The following SEMA6D variants were observed in gnomAD, a reference collection of about 807,000 sequenced individuals.
The protein encoded by SEMA6D is semaphorin 6D.
Under a neutral mutation model 106.6 loss-of-function variants are expected in SEMA6D, and 35 were observed. That is an observed-to-expected ratio of 0.33 (90% confidence interval 0.25 to 0.44). SEMA6D has a LOEUF of 0.44. Ranked by LOEUF, SEMA6D falls within the 20% of genes least tolerant of loss-of-function variation. The pLI is 1.00. For synonymous variants in SEMA6D, 499 were observed against 487.7 expected (o/e 1.02, Z -0.31); for missense variants, 1,185 against 1,345.9 (o/e 0.88, Z 1.87).
chr15:47,431,322 C>T lies in SEMA6D; in HGVS notation c.-159+18850C>T, dbSNP rs547507366. 1.1e-4 allele frequency among the ~76,000 whole-genome samples: 16 copies of T among 151,810 alleles called. No homozygotes were observed. The East Asian group carries it at 3.1e-3, about 30-fold the overall frequency. ...AAATAAAATATGTTTAGAAACATGC[C>T]CTTCAAATTAACACCTCAAAGCACA... On this transcript the variant is annotated intron_variant, in intron 2 of 19. Coordinates refer to the SEMA6D transcript ENST00000558014.
chr15:47,487,286 G>T (rs960540706), intron 3 of SEMA6D, among the ~76,000 whole-genome samples: 2 of 152,170 alleles, frequency 1.3e-5, no homozygotes, highest in Non-Finnish European at 2.9e-5. Context: ...CAAGGAAACT[G>T]CAGGAAATGC....
At chr15:47,721,777 C>G (rs751032702) in intron 1 of SEMA6D, among the ~76,000 whole-genome samples, 1 of 152,142 alleles carries the variant, frequency 6.6e-6, no homozygotes, top group Non-Finnish European at 1.5e-5. Flanking sequence ...TCAAACTTTC[C>G]TTTTCTATTA....
In SEMA6D at chr15:47,581,309, T is replaced by C. The variant is rs753605769; in HGVS notation, c.-86-19556T>C. ...TTACATTGTGCAATTTCATGTGACATAGTGATTTTTAGGAACACATATGTC... is the reference window on the plus strand; with the variant it reads ...TTACATTGTGCAATTTCATGTGACACAGTGATTTTTAGGAACACATATGTC... On this transcript the variant is annotated intron_variant, in intron 3 of 19. Transcript: ENST00000558014. 8.3e-6 allele frequency: 4 copies of C among 483,264 alleles called. 1 individual carries two copies. Among genetic ancestry groups the C allele is most frequent in the South Asian group, 6.0e-5 (4 of 66,256 alleles). The allele number at this position is 483,264 out of a possible 1,614,324, so 29.9% of individuals were successfully genotyped here.
intron 1 of SEMA6D, among the ~76,000 whole-genome samples, chr15:47,249,579 T>C (rs1199128320): frequency 6.6e-6 from 1 of 151,952 alleles, no homozygotes; most frequent in East Asian, 1.9e-4. Context: ...GTTCAAATAC[T>C]TGTGATTCAA....
chr15:47,338,176 G>A (rs559941447), intron 1 of SEMA6D, among the ~76,000 whole-genome samples: 1 of 152,184 alleles, frequency 6.6e-6, no homozygotes, highest in Non-Finnish European at 1.5e-5. Context: ...AGGGGAAAAA[G>A]TTTGGGTGTT....
At chr15:47,552,555 C>CAA (rs879937152) in intron 3 of SEMA6D, among the ~76,000 whole-genome samples, 141 of 124,510 alleles carry the variant, frequency 1.1e-3, no homozygotes, top group Middle Eastern at 4.5e-3. Context: ...CACACACACA[C>CAA]ACATATGGCA....
chr15:47,207,984 G>GGCAC (rs1229617425), intron 1 of SEMA6D, among the ~76,000 whole-genome samples: 7 of 73,066 alleles, frequency 9.6e-5, no homozygotes, highest in African/African-American at 3.3e-4. Context: ...AGTAGCCACT[G>GGCAC]GCGCGCGCGC....
intron 1 of SEMA6D, among the ~76,000 whole-genome samples, chr15:47,211,186 G>T (rs1172560449): frequency 1.3e-5 from 2 of 151,820 alleles, no homozygotes; most frequent in African/African-American, 4.8e-5. Context: ...TTATCTTTCA[G>T]TTTGAAAGTC....
rs1319005899 is a variant in SEMA6D at position 47,711,302 on chromosome 15, T to C, written c.-54-48443T>C. Reference sequence around the variant, plus strand: ...TCCAGCCTGGGCGACAGAGCGAGACTCCGTCTCAAAAAAAAAAAAAAAAAA... The same window carrying C: ...TCCAGCCTGGGCGACAGAGCGAGACCCCGTCTCAAAAAAAAAAAAAAAAAA... On this transcript the variant is annotated intron_variant, in intron 4 of 19. Transcript: ENST00000558014. Among the ~76,000 whole-genome samples, 5 of 70,646 alleles carry C rather than the reference T, an allele frequency of 7.1e-5. No individual in the cohort carries two copies. The Admixed American group carries it at 1.2e-3, about 16-fold the overall frequency. The allele number at this position is 70,646 out of a possible 152,430, so 46.3% of individuals were successfully genotyped here. A position where few individuals can be genotyped will look rare whatever the true frequency, so the allele number is the denominator to read the frequency against.
chr15:47,537,673 T>G (rs2045214197), intron 3 of SEMA6D, among the ~76,000 whole-genome samples: 1 of 152,010 alleles, frequency 6.6e-6, no homozygotes, highest in Admixed American at 6.6e-5. Flanking sequence ...AATTAGGAGA[T>G]GGAACAAATT....
In SEMA6D at chr15:47,653,868, C is replaced by A. The variant is rs142725352; in HGVS notation, c.-55+52972C>A. Among the ~76,000 whole-genome samples the A allele has an allele frequency of 1.6e-3, 238 of 152,234 alleles. 1 individual carries two copies. Among genetic ancestry groups the A allele is most frequent in the Non-Finnish European group, 2.5e-3 (172 of 68,024 alleles). On this transcript the variant is annotated intron_variant, in intron 4 of 19. Coordinates refer to the SEMA6D transcript ENST00000558014. ...TTAATCAGGGATTAAAGGCCCTTGC[C>A]GTCATTCATTTCAGAATCAATGCAA...
intron 3 of SEMA6D, among the ~76,000 whole-genome samples, chr15:47,552,423 A>G (rs1249499210): frequency 2.0e-5 from 3 of 151,612 alleles, no homozygotes; most frequent in Non-Finnish European, 4.4e-5. Context: ...AGCAATAAAA[A>G]GGAAAGAAAG....
At chr15:47,686,456 C>T (rs2078470937) in intron 4 of SEMA6D, among the ~76,000 whole-genome samples, 1 of 152,198 alleles carries the variant, frequency 6.6e-6, no homozygotes, top group Non-Finnish European at 1.5e-5. Context: ...GTATGACCTT[C>T]TGCAAGAAAA....
intron 3 of SEMA6D, among the ~76,000 whole-genome samples, chr15:47,501,292 T>C (rs1018652806): frequency 8.5e-5 from 13 of 152,200 alleles, no homozygotes; most frequent in South Asian, 4.1e-4. Flanking sequence ...AGTTTATTGC[T>C]AGCTTCTCAC....
intron 1 of SEMA6D, among the ~76,000 whole-genome samples, chr15:47,202,121 T>C (rs1473832501): frequency 6.6e-6 from 1 of 151,980 alleles, no homozygotes. Flanking sequence ...CCGATATCAT[T>C]ATGTTACAGT....
At chr15:47,765,480 TA>T (rs58590153) in intron 13 of SEMA6D, 208,960 of 815,502 alleles carry the variant, frequency 0.26, 13,541 homozygotes, top group South Asian at 0.29. Flanking sequence ...TTTAGACCAT[TA>T]AAAAAAAAAA....
chr15:47,685,427 T>C (rs903236533), intron 4 of SEMA6D, among the ~76,000 whole-genome samples: 13 of 152,058 alleles, frequency 8.5e-5, no homozygotes, highest in African/African-American at 3.1e-4. Flanking sequence ...GCAAACAGAG[T>C]TGATGGCCTG....
chr15:47,400,504 T>G (rs1354781819), intron 1 of SEMA6D, among the ~76,000 whole-genome samples: 1 of 105,320 alleles, frequency 9.5e-6, no homozygotes, highest in Non-Finnish European at 2.1e-5. Context: ...AAAAAAAAAA[T>G]CCTTCCTATA....
At chr15:47,314,849 CTTTTTTTTTTTTTTTT>C (rs1173992222) in intron 1 of SEMA6D, among the ~76,000 whole-genome samples, 26 of 83,916 alleles carry the variant, frequency 3.1e-4, no homozygotes, top group African/African-American at 1.3e-3. Context: ...TCTAGGTTTT[CTTTTTTTTTTTTTTTT>C]TTTTTTTTTT....
Sources: allele counts gnomAD v4.1 joint callset (sites outside exome capture counted in the v4.1 genomes callset), GRCh38; gene constraint gnomAD v4.1.1; transcripts MANE v1.5; gene names NCBI Gene and HGNC (gene_info 2026-07-23, HGNC 2026-07-21).